Variants in CHD9 observed in about 807,000 individuals in gnomAD.
CHD9 encodes chromodomain helicase DNA binding protein 9, also known as ATP-dependent chromatin remodeler CHD9.
A neutral mutation model predicts 316.1 loss-of-function variants in CHD9; 77 were observed. The ratio of observed to expected loss-of-function variants is 0.24; its 90% CI spans 0.20 to 0.29. The LOEUF (loss-of-function observed/expected upper bound fraction) is 0.29. Ranked by LOEUF, CHD9 falls within the 10% of genes least tolerant of loss-of-function variation. The pLI, the probability that CHD9 is intolerant of heterozygous loss-of-function variation, is 1.00. For synonymous variants in CHD9, 1,129 were observed against 1,158.3 expected (o/e 0.97, Z 0.51); for missense variants, 2,763 against 3,438.1 (o/e 0.80, Z 4.91).
chr16:53,301,965 G>A (rs920798301), intron 30 of CHD9, among the ~76,000 whole-genome samples: 22 of 151,396 alleles, frequency 1.5e-4, no homozygotes, highest in Admixed American at 4.0e-4. Context: ...GGGTTTCACC[G>A]TGTTAGCCAG....
At chr16:53,118,133 T>C (rs920791715) in intron 1 of CHD9, among the ~76,000 whole-genome samples, 1 of 152,164 alleles carries the variant, frequency 6.6e-6, no homozygotes, top group African/African-American at 2.4e-5. Context: ...GGCCAAGACC[T>C]AAATATTTCA....
intron 24 of CHD9, among the ~76,000 whole-genome samples, chr16:53,284,757 CA>C (rs2053714950): frequency 6.6e-6 from 1 of 152,044 alleles, no homozygotes; most frequent in Non-Finnish European, 1.5e-5. Context: ...AACATCAAAA[CA>C]GCATTTGAGT....
Position 53,306,258 on chromosome 16 carries a change from C to A in CHD9, c.6641C>A (p.Ala2214Asp). 1 of 1,578,816 alleles carries A rather than the reference C, an allele frequency of 6.3e-7. No individual in the cohort carries two copies. The highest frequency in any genetic ancestry group is 8.6e-7 in the Non-Finnish European group (1 of 1,166,412). The change falls in exon 32 of 39, where the codon GCC becomes GAC. Residue 2214 changes from alanine to aspartate, a missense_variant. This residue lies in a region of CHD9 where 663 missense variants were observed against 751.2 expected (regional missense o/e 0.88). Transcript: ENST00000447540. ...GCAGAAAGTACTACTCACATGAAAG[C>A]CTATGATGAAGAAAGCGTCGCGTCA... ...QKRESTTHMK[A>D]YDEESVASLS...
At chr16:53,078,066 C>G (rs1366493139) in intron 1 of CHD9, among the ~76,000 whole-genome samples, 1 of 152,062 alleles carries the variant, frequency 6.6e-6, no homozygotes, top group Non-Finnish European at 1.5e-5. Flanking sequence ...AAAATGAAAC[C>G]ATGTCTCAGA....
intron 1 of CHD9, among the ~76,000 whole-genome samples, chr16:53,117,598 T>A (rs1047890894): frequency 6.6e-6 from 1 of 151,444 alleles, no homozygotes; most frequent in Non-Finnish European, 1.5e-5. Context: ...GTATTTTTAG[T>A]AGAGAAGGGG....
chr16:53,175,684 C>G (rs1339549164), intron 2 of CHD9, among the ~76,000 whole-genome samples: 1 of 152,142 alleles, frequency 6.6e-6, no homozygotes, highest in African/African-American at 2.4e-5. Context: ...GAAAATAAGG[C>G]AAATATACAT....
At chr16:53,130,463 G>C (rs2039176589) in intron 1 of CHD9, among the ~76,000 whole-genome samples, 3 of 151,036 alleles carry the variant, frequency 2.0e-5, no homozygotes, top group Admixed American at 2.0e-4. Context: ...GCCGGGGCCT[G>C]ACGTGGCGGC....
rs975695316 is a variant in CHD9, at chr16:53,245,264, G to A, written c.3055-72G>A. 1.2e-5 allele frequency: 14 copies of A among 1,173,266 alleles called. No individual in the cohort carries two copies. The highest frequency in any genetic ancestry group is 7.0e-5 in the Admixed American group (2 of 28,672). 72.7% of individuals were successfully genotyped at this position (1,173,266 alleles called of 1,614,324 possible). A position where few individuals can be genotyped will look rare whatever the true frequency, so the allele number is the denominator to read the frequency against. On this transcript the variant is annotated intron_variant, in intron 13 of 38. Coordinates refer to ENST00000447540, the MANE Select transcript of CHD9 (RefSeq NM_001308319.2). The surrounding 1 kb of genome is among the most constrained non-coding windows in gnomAD (Gnocchi z 4.1). ...AAAAATATTTGCATATTGATCATTCGATAATCTAAGTCAGCTTTCATATAA... is the reference window on the plus strand; with the variant it reads ...AAAAATATTTGCATATTGATCATTCAATAATCTAAGTCAGCTTTCATATAA...
chr16:53,219,304 C>T (rs761441319), intron 3 of CHD9, among the ~76,000 whole-genome samples: 2 of 151,872 alleles, frequency 1.3e-5, no homozygotes, highest in East Asian at 1.9e-4. Context: ...GAACATGAAG[C>T]GTGGGGAAAA....
intron 21 of CHD9, 100 bp downstream of exon 21, chr16:53,267,590 A>T: frequency 2.3e-6 from 2 of 862,730 alleles, no homozygotes; most frequent in Non-Finnish European, 1.7e-6. Context: ...TCTTAGAATC[A>T]TTAAAATTTA....
Position 53,231,718 on chromosome 16 carries a change from T to A in CHD9, c.2445T>A (p.Asp815Glu). 6.2e-7 allele frequency: 1 copy of A among 1,612,068 alleles called. No individual in the cohort carries two copies. The part of the protein sequence containing the change: ...YEDSTWELKE[D>E]VDLAKIEEFE... ...ATAGTACTTGGGAACTAAAAGAAGA[T>A]GTAGATCTTGCAAAAATAGAAGAGT... The change falls in exon 10 of 39, where the codon GAT becomes GAA. Residue 815 changes from aspartate to glutamate, a missense_variant. Coordinates refer to ENST00000447540, the MANE Select transcript of CHD9 (RefSeq NM_001308319.2).
intron 3 of CHD9, among the ~76,000 whole-genome samples, chr16:53,219,231 T>TATC (rs1312419607): frequency 1.3e-5 from 2 of 152,128 alleles, no homozygotes; most frequent in African/African-American, 2.4e-5. Flanking sequence ...ATTGGGTGCA[T>TATC]ATTGAGGTTG....
intron 11 of CHD9, among the ~76,000 whole-genome samples, chr16:53,236,038 A>G (rs1729405885): frequency 6.6e-6 from 1 of 152,126 alleles, no homozygotes; most frequent in Admixed American, 6.6e-5. Context: ...AGTGATGGTG[A>G]GTCATGGACT....
chr16:53,106,657 T>TACACACACACAC (rs10538483), intron 1 of CHD9, among the ~76,000 whole-genome samples: 7 of 150,710 alleles, frequency 4.6e-5, no homozygotes, highest in African/African-American at 1.7e-4. Flanking sequence ...CACACATACA[T>TACACACACACAC]ACACACACAC....
intron 2 of CHD9, chr16:53,208,646 T>C (rs1361399689): frequency 1.0e-6 from 1 of 991,910 alleles, no homozygotes; most frequent in East Asian, 1.1e-4. Flanking sequence ...GGAATCAGCA[T>C]GAAAATGTGT....
intron 2 of CHD9, among the ~76,000 whole-genome samples, chr16:53,183,613 G>A (rs1177669929): frequency 6.6e-6 from 1 of 152,070 alleles, no homozygotes; most frequent in Non-Finnish European, 1.5e-5. Flanking sequence ...GCAACCTTGG[G>A]TTTAAAACTC....
intron 34 of CHD9, among the ~76,000 whole-genome samples, chr16:53,312,656 G>T (rs2056565179): frequency 6.6e-6 from 1 of 152,136 alleles, no homozygotes; most frequent in Non-Finnish European, 1.5e-5. Context: ...AACAGATCTA[G>T]GGCAGGGGTC....
At chr16:53,293,142 G>GAAA in intron 29 of CHD9, 90 bp downstream of exon 29, 5 of 1,132,502 alleles carry the variant, frequency 4.4e-6, no homozygotes, top group Non-Finnish European at 6.3e-6. Context: ...ACGCTTTGTG[G>GAAA]AAAACATACA....
chr16:53,069,206 T>C (rs935163351), intron 1 of CHD9, among the ~76,000 whole-genome samples: 13 of 152,232 alleles, frequency 8.5e-5, no homozygotes, highest in African/African-American at 3.1e-4. Context: ...GGTTTCACCA[T>C]GTGGCCAGGC....
Sources: allele counts gnomAD v4.1 joint callset (sites outside exome capture counted in the v4.1 genomes callset), GRCh38; gene constraint gnomAD v4.1.1; regional missense constraint gnomAD v4.1.1; non-coding constraint Gnocchi (gnomAD v3.1); transcripts MANE v1.5; gene names NCBI Gene and HGNC (gene_info 2026-07-23, HGNC 2026-07-21).